Variants in TBC1D5 observed in about 807,000 individuals in gnomAD.
TBC1D5 encodes TBC1 domain family member 5.
TBC1D5 carries 75 observed loss-of-function variants against 100.3 expected under a neutral mutation model. That is an observed-to-expected ratio of 0.75 (90% CI 0.62 to 0.91). The LOEUF is 0.91. Among genes scored for constraint, TBC1D5 ranks in the 40% least tolerant of loss-of-function variants. The probability of loss-of-function intolerance (pLI) is 0.00; values close to 1 mark genes in which losing one functional copy is unlikely to be tolerated. For missense variants in TBC1D5, 910 were observed against 942.4 expected (o/e 0.97, Z 0.45); for synonymous variants, 323 against 325.6 (o/e 0.99, Z 0.09).
intron 13 of TBC1D5, among the ~76,000 whole-genome samples, chr3:17,308,741 C>A (rs949602851): frequency 7.9e-5 from 12 of 152,140 alleles, no homozygotes; most frequent in African/African-American, 2.6e-4. Flanking sequence ...AACAGATATA[C>A]CTGATCAGTA....
At chr3:17,372,390 G>A (rs917127544) in intron 12 of TBC1D5, 143 bp from the exon 13 acceptor site, 3 of 674,106 alleles carry the variant, frequency 4.5e-6, no homozygotes, top group African/African-American at 3.6e-5. Context: ...AGAGCACCAT[G>A]AAATAATTAA....
At chr3:17,488,947 G>T (rs900539008) in intron 3 of TBC1D5, among the ~76,000 whole-genome samples, 8 of 149,676 alleles carry the variant, frequency 5.3e-5, no homozygotes, top group African/African-American at 2.0e-4. Flanking sequence ...TGCATGCTCT[G>T]TATGAAAATC....
intron 2 of TBC1D5, among the ~76,000 whole-genome samples, chr3:17,510,158 T>C (rs943231522): frequency 3.9e-5 from 6 of 152,064 alleles, no homozygotes; most frequent in African/African-American, 1.2e-4. Context: ...TCTAATTTTA[T>C]AGGATATGGT....
At chr3:17,315,352 A>G (rs900129619) in intron 13 of TBC1D5, among the ~76,000 whole-genome samples, 2 of 152,256 alleles carry the variant, frequency 1.3e-5, no homozygotes, top group Non-Finnish European at 2.9e-5. Context: ...TGAGGGTGAC[A>G]GAAGTGAGAT....
chr3:17,458,696 G>A (rs2095141726), intron 3 of TBC1D5, among the ~76,000 whole-genome samples: 1 of 152,172 alleles, frequency 6.6e-6, no homozygotes. Context: ...ACTCAGAGAA[G>A]TGGTCAAGGC....
intron 15 of TBC1D5, among the ~76,000 whole-genome samples, chr3:17,267,237 T>G (rs369884634): frequency 1.3e-5 from 2 of 152,148 alleles, no homozygotes; most frequent in East Asian, 3.8e-4. Flanking sequence ...TACCCTCAGT[T>G]TGTTATTTAT....
intron 3 of TBC1D5, among the ~76,000 whole-genome samples, chr3:17,475,133 A>G (rs1433009406): frequency 2.0e-5 from 3 of 152,014 alleles, no homozygotes; most frequent in Non-Finnish European, 4.4e-5. Context: ...ACTCTCATTT[A>G]CTAATCTCTA....
At chr3:17,696,703 G>A (rs761169563) in intron 1 of TBC1D5, among the ~76,000 whole-genome samples, 3 of 152,188 alleles carry the variant, frequency 2.0e-5, no homozygotes, top group African/African-American at 4.8e-5. Flanking sequence ...CATTCCTTCT[G>A]AAAGTATTCC....
chr3:17,446,215 C>T (rs2094790728), intron 3 of TBC1D5, among the ~76,000 whole-genome samples: 1 of 152,070 alleles, frequency 6.6e-6, no homozygotes, highest in African/African-American at 2.4e-5. Flanking sequence ...AAGTAATTTA[C>T]CCCAAATATA....
At chr3:17,320,434 G>T (rs2085263061) in intron 13 of TBC1D5, among the ~76,000 whole-genome samples, 1 of 152,172 alleles carries the variant, frequency 6.6e-6, no homozygotes, top group Non-Finnish European at 1.5e-5. Flanking sequence ...TCAAGTTTGA[G>T]AACCACTACT....
chr3:17,682,640 C>T (rs2069657215), intron 1 of TBC1D5, among the ~76,000 whole-genome samples: 1 of 148,330 alleles, frequency 6.7e-6, no homozygotes, highest in Admixed American at 6.7e-5. Flanking sequence ...CCCATTTGAC[C>T]AGGAAGGTCC....
chr3:17,434,001 G>A (rs774275265), intron 3 of TBC1D5, among the ~76,000 whole-genome samples: 2 of 152,194 alleles, frequency 1.3e-5, no homozygotes, highest in Non-Finnish European at 2.9e-5. Flanking sequence ...ATGTCACACT[G>A]ATACAAGAGG....
At chr3:17,381,837 C>T (rs2092957944) in intron 9 of TBC1D5, among the ~76,000 whole-genome samples, 1 of 151,986 alleles carries the variant, frequency 6.6e-6, no homozygotes, top group Admixed American at 6.6e-5. Flanking sequence ...TATATTTTTA[C>T]ACCATCTGGA....
At chr3:17,720,417 C>CGACT (rs561114178) in intron 1 of TBC1D5, among the ~76,000 whole-genome samples, 1 of 152,116 alleles carries the variant, frequency 6.6e-6, no homozygotes, top group South Asian at 2.1e-4. Context: ...TCTACTTAGT[C>CGACT]ATCACTACTC....
At chr3:17,532,067 C>T (rs527682210) in intron 2 of TBC1D5, among the ~76,000 whole-genome samples, 5 of 152,184 alleles carry the variant, frequency 3.3e-5, no homozygotes, top group South Asian at 4.1e-4. Context: ...AATGGGAGAA[C>T]GTTTTTGCAA....
chr3:17,595,665 G>A (rs1244714045), intron 2 of TBC1D5, among the ~76,000 whole-genome samples: 4 of 140,464 alleles, frequency 2.8e-5, no homozygotes, highest in African/African-American at 8.1e-5. Context: ...GGACACTGAA[G>A]TTATGGAAGT....
chr3:17,352,694 A>C lies in TBC1D5; in HGVS notation c.995+19381T>G, dbSNP rs1048098732. Among the ~76,000 whole-genome samples, 9 of 150,692 alleles carry C rather than the reference A, an allele frequency of 6.0e-5. No individual in the cohort carries two copies. The South Asian group carries it at 6.5e-4, about 11-fold the overall frequency. On this transcript the variant is annotated intron_variant, in intron 13 of 21. Coordinates refer to ENST00000253692, the Ensembl canonical transcript of TBC1D5. ...TACAAAGCAAAAGGCAAAAAAAAAA[A>C]AAAAACAAAAAAACCTACTGTGCAC...
intron 2 of TBC1D5, among the ~76,000 whole-genome samples, chr3:17,576,985 A>T (rs939459410): frequency 6.6e-6 from 1 of 152,064 alleles, no homozygotes; most frequent in Non-Finnish European, 1.5e-5. Flanking sequence ...TCTCTGAACA[A>T]ATTTTCATTT....
In TBC1D5 at chr3:17,435,571, C is replaced by A. The variant is rs1338691837; in HGVS notation, c.98-7052G>T. ...TCACATAATATCACAAGAACAGCAG[C>A]ATGGGGGTAACTGCCCCCATTATTC... On this transcript the variant is annotated intron_variant, in intron 3 of 21. Coordinates refer to ENST00000253692, the Ensembl canonical transcript of TBC1D5. Among the ~76,000 whole-genome samples, 7 of 152,176 alleles carry A rather than the reference C, an allele frequency of 4.6e-5. No individual in the cohort carries two copies. In the East Asian group the frequency reaches 1.3e-3, roughly 29 times the overall value.
Sources: gnomAD v4.1 joint callset for allele counts (sites outside exome capture counted in the v4.1 genomes callset) on GRCh38, gnomAD v4.1.1 for gene constraint, MANE v1.5 for transcripts, NCBI Gene and HGNC (gene_info 2026-07-23, HGNC 2026-07-21) for gene names.